Variants in CIITA observed in about 807,000 individuals in gnomAD.
The protein encoded by CIITA is class II major histocompatibility complex transactivator, also known as MHC class II transactivator.
CIITA carries 72 observed loss-of-function variants against 115.1 expected under a neutral mutation model. The observed-to-expected ratio is 0.63, with a 90% CI of 0.52 to 0.76. The LOEUF (loss-of-function observed/expected upper bound fraction) is 0.76, where lower values mean the gene tolerates loss of function less well. CIITA is among the 30% of genes least tolerant of loss of function. CIITA has a pLI of 0.00. For synonymous variants in CIITA, 763 were observed against 635.6 expected (o/e 1.20, Z -3.02); for missense variants, 1,617 against 1,463.8 (o/e 1.10, Z -1.71).
upstream of CIITA, among the ~76,000 whole-genome samples, chr16:10,876,585 T>G (rs1031074657): frequency 6.6e-6 from 1 of 152,334 alleles, no homozygotes; most frequent in African/African-American, 2.4e-5. Context: ...AGACACTAAC[T>G]TTCTCCCTAT....
chr16:10,912,865 G>A (rs1281715466), intron 13 of CIITA, among the ~76,000 whole-genome samples: 1 of 152,234 alleles, frequency 6.6e-6, no homozygotes, highest in Admixed American at 6.5e-5. Flanking sequence ...TCTGAGGAAG[G>A]AAGGAAGGAA....
chr16:10,902,972 G>T (rs1448762792), intron 8 of CIITA, among the ~76,000 whole-genome samples, 171 bp downstream of exon 8: 1 of 152,220 alleles, frequency 6.6e-6, no homozygotes, highest in Admixed American at 6.5e-5. Context: ...CAAAGCAGAA[G>T]AGCAGAGATT....
At chr16:10,908,895 G>A in intron 11 of CIITA, 134 bp from the exon 12 acceptor site, 2 of 1,301,114 alleles carry the variant, frequency 1.5e-6, no homozygotes, top group Non-Finnish European at 1.1e-6. Flanking sequence ...GTCATGGAAG[G>A]CTTTCTGGGA....
intron 5 of CIITA, among the ~76,000 whole-genome samples, chr16:10,900,338 G>A (rs1475578259): frequency 6.6e-6 from 1 of 152,134 alleles, no homozygotes; most frequent in African/African-American, 2.4e-5. Flanking sequence ...CCATATTATT[G>A]AGGGAGAGGA....
upstream of CIITA, among the ~76,000 whole-genome samples, chr16:10,874,065 T>G (rs2143326772): frequency 6.6e-6 from 1 of 150,556 alleles, no homozygotes; most frequent in East Asian, 2.0e-4. Flanking sequence ...ACTTGCAACC[T>G]CCACCTCCCC....
chr16:10,922,064 G>C, intron 16 of CIITA, 103 bp from the exon 17 acceptor site: 2 of 1,016,228 alleles, frequency 2.0e-6, no homozygotes, highest in South Asian at 2.5e-5. Context: ...TTCCCCCAGG[G>C]ATAGTGGGAC....
intron 13 of CIITA, among the ~76,000 whole-genome samples, chr16:10,913,660 C>G (rs1190355439): frequency 6.6e-6 from 1 of 151,160 alleles, no homozygotes; most frequent in East Asian, 2.0e-4. Flanking sequence ...AAAACTCTGG[C>G]CAGGCGCAGT....
intron 13 of CIITA, among the ~76,000 whole-genome samples, chr16:10,914,299 C>G (rs1352046824): frequency 2.0e-5 from 3 of 152,188 alleles, no homozygotes; most frequent in Non-Finnish European, 4.4e-5. Flanking sequence ...AGCAGGGAGC[C>G]AAATGCCAGA....
At chr16:10,906,088 G>A (rs778424993) in intron 10 of CIITA, among the ~76,000 whole-genome samples, 3 of 151,998 alleles carry the variant, frequency 2.0e-5, no homozygotes, top group Non-Finnish European at 4.4e-5. Context: ...AGCTACTCAG[G>A]AGGCTGAGGT....
intron 1 of CIITA, among the ~76,000 whole-genome samples, chr16:10,877,775 G>A (rs1215430771): frequency 1.3e-5 from 2 of 152,230 alleles, no homozygotes; most frequent in Non-Finnish European, 1.5e-5. Flanking sequence ...CATACCCAGA[G>A]AAGCAGGGAA....
At chr16:10,903,922 G>C in intron 9 of CIITA, 27 bp downstream of exon 9, 1 of 1,614,110 alleles carries the variant, frequency 6.2e-7, no homozygotes, top group Non-Finnish European at 8.5e-7. Context: ...CCTGTGAGAG[G>C]TACTAGAAGC....
At chr16:10,938,605 T>C (rs1030079048), downstream of CIITA, 1 of 152,208 alleles carries the variant, frequency 6.6e-6, no homozygotes, top group African/African-American at 2.4e-5. This position sits in a 1 kb window ranked among gnomAD's most constrained non-coding sequence, Gnocchi z 4.9. Flanking sequence ...TTGAGGTCTT[T>C]CCTGGCGGCT....
chr16:10,908,780 T>G, intron 11 of CIITA: 1 of 616,060 alleles, frequency 1.6e-6, no homozygotes, highest in Non-Finnish European at 2.9e-6. Flanking sequence ...TCCTACATAA[T>G]TGTGCCAATA....
chr16:10,904,596 G>A (rs1309838756), intron 9 of CIITA, 148 bp from the exon 10 acceptor site: 2 of 770,430 alleles, frequency 2.6e-6, no homozygotes, highest in African/African-American at 1.7e-5. Context: ...ACATATTTGA[G>A]TTAGATACAG....
At chr16:10,873,857 C>G (rs2035645176), upstream of CIITA, among the ~76,000 whole-genome samples, 1 of 152,188 alleles carries the variant, frequency 6.6e-6, no homozygotes, top group Non-Finnish European at 1.5e-5. Context: ...AGCACCTCTC[C>G]TGACAGGGGT....
Position 10,901,592 on chromosome 16 carries a change from G to A in CIITA, c.481+34G>A, listed in dbSNP as rs1274652254. 2 of 1,610,226 alleles carry A rather than the reference G, an allele frequency of 1.2e-6. No homozygotes were observed. Among genetic ancestry groups the A allele is most frequent in the Admixed American group, 1.7e-5 (1 of 59,848 alleles). ...GGCAGGTGGGCTGGGGTTGGGAAGG[G>A]TGGATGCCTTGGGGAGGGGATGGAA... On this transcript the variant is annotated intron_variant, in intron 6 of 19. Coordinates refer to ENST00000324288, the MANE Select transcript of CIITA (RefSeq NM_000246.4). The surrounding 1 kb of genome is among the most constrained non-coding windows in gnomAD (Gnocchi z 6.8).
At chr16:10,894,940 T>C (rs1250425140) in intron 1 of CIITA, among the ~76,000 whole-genome samples, 2 of 152,230 alleles carry the variant, frequency 1.3e-5, no homozygotes, top group African/African-American at 2.4e-5. Flanking sequence ...CTCATGTGCC[T>C]GGCGTATAGG....
rs1455357360 is a variant in CIITA at position 10,916,352 on chromosome 16, T to C, written c.2970-15T>C. Reference sequence around the variant, plus strand: ...AGGACGCTAGCTGATGGCCCCCATCTGATTCCACCTGCAGCCTGGATGCGC... The same window carrying C: ...AGGACGCTAGCTGATGGCCCCCATCCGATTCCACCTGCAGCCTGGATGCGC... On this transcript the variant is annotated splice_polypyrimidine_tract_variant and intron_variant, in intron 14 of 19. Coordinates refer to ENST00000324288, the MANE Select transcript of CIITA (RefSeq NM_000246.4). 6.2e-7 allele frequency: 1 copy of C among 1,613,146 alleles called. No individual in the cohort carries two copies. Among genetic ancestry groups the C allele is most frequent in the Admixed American group, 1.7e-5 (1 of 59,958 alleles).
intron 1 of CIITA, among the ~76,000 whole-genome samples, chr16:10,886,007 T>C (rs1454938511): frequency 6.6e-6 from 1 of 152,100 alleles, no homozygotes; most frequent in Non-Finnish European, 1.5e-5. Context: ...TTCTAATGCA[T>C]TTCAGGTGTA....
Sources: gnomAD v4.1 joint callset for allele counts (sites outside exome capture counted in the v4.1 genomes callset) on GRCh38, gnomAD v4.1.1 for gene constraint, Gnocchi (gnomAD v3.1) non-coding constraint, MANE v1.5 for transcripts, NCBI Gene and HGNC (gene_info 2026-07-23, HGNC 2026-07-21) for gene names.